AGPS: variants seen among roughly 807,000 people sequenced by gnomAD.
AGPS encodes the protein alkyldihydroxyacetonephosphate synthase, peroxisomal.
AGPS carries 26 observed loss-of-function variants against 90.7 expected under a neutral mutation model. The observed-to-expected ratio is 0.29, with a 90% CI of 0.21 to 0.40. The LOEUF is 0.40. Ranked by LOEUF, AGPS falls within the 10% of genes least tolerant of loss-of-function variation. The probability of loss-of-function intolerance (pLI) is 1.00; values close to 1 mark genes in which losing one functional copy is unlikely to be tolerated. For missense variants in AGPS, 540 were observed against 816.1 expected (o/e 0.66, Z 4.12); for synonymous variants, 294 against 285.3 (o/e 1.03, Z -0.31).
At chr2:177,394,177 G>A (rs1304010515) in intron 1 of AGPS, among the ~76,000 whole-genome samples, 1 of 152,118 alleles carries the variant, frequency 6.6e-6, no homozygotes, top group Non-Finnish European at 1.5e-5. Flanking sequence ...CACTGTACCA[G>A]CAATACAGAA....
At chr2:177,463,401 C>T (rs1168354106) in intron 9 of AGPS, among the ~76,000 whole-genome samples, 1 of 152,188 alleles carries the variant, frequency 6.6e-6, no homozygotes, top group East Asian at 1.9e-4. Context: ...ATGTTGTTTC[C>T]TTATCGTCAA....
At chr2:177,473,108 G>A (rs932263971) in intron 10 of AGPS, among the ~76,000 whole-genome samples, 1 of 152,110 alleles carries the variant, frequency 6.6e-6, no homozygotes, top group African/African-American at 2.4e-5. Context: ...TATAGCAGCT[G>A]GAAGGCTACA....
chr2:177,464,051 C>G (rs1264998993), intron 9 of AGPS, among the ~76,000 whole-genome samples: 2 of 152,200 alleles, frequency 1.3e-5, no homozygotes, highest in Non-Finnish European at 2.9e-5. Context: ...AAGCGATTCT[C>G]CTGCCTCAGC....
intron 12 of AGPS, among the ~76,000 whole-genome samples, chr2:177,495,932 A>C (rs1348570425): frequency 6.6e-5 from 10 of 151,584 alleles, no homozygotes; most frequent in South Asian, 6.3e-4. Context: ...AAAAAAAAAA[A>C]AAAAAACAAA....
rs1372637964 is a variant in AGPS at position 177,445,772 on chromosome 2, G to A, written c.870+146G>A. 6.4e-6 allele frequency: 4 copies of A among 623,338 alleles called. No individual in the cohort carries two copies. In the Admixed American group the frequency reaches 1.2e-4, roughly 19 times the overall value. The allele number at this position is 623,338 out of a possible 1,614,324, so 38.6% of individuals were successfully genotyped here. A position where few individuals can be genotyped will look rare whatever the true frequency, so the allele number is the denominator to read the frequency against. ...ATACATTCATTCACTCAAAGAATTTGTTTAGTTTCTATTATGGGTCAAGCA... is the reference window on the plus strand; with the variant it reads ...ATACATTCATTCACTCAAAGAATTTATTTAGTTTCTATTATGGGTCAAGCA... On this transcript the variant is annotated intron_variant, in intron 8 of 19. Transcript: ENST00000264167.
chr2:177,460,092 A>C (rs1687246658), intron 8 of AGPS, among the ~76,000 whole-genome samples: 1 of 152,178 alleles, frequency 6.6e-6, no homozygotes, highest in South Asian at 2.1e-4. Flanking sequence ...ACATGTTCTC[A>C]CTCATAAGTG....
intron 19 of AGPS, among the ~76,000 whole-genome samples, chr2:177,537,422 T>A (rs560172964): frequency 4.6e-5 from 7 of 152,206 alleles, no homozygotes; most frequent in African/African-American, 1.2e-4. Flanking sequence ...GGATTAGGTA[T>A]TTGATTTATT....
chr2:177,393,554 A>C lies in AGPS; in HGVS notation c.260+505A>C, dbSNP rs185657404. 3 of 985,376 alleles carry C rather than the reference A, an allele frequency of 3.0e-6. No individual in the cohort carries two copies. In the African/African-American group the frequency reaches 5.2e-5, roughly 17 times the overall value. 61.0% of individuals were successfully genotyped at this position (985,376 alleles called of 1,614,324 possible). The stretch of plus-strand genomic sequence containing the variant: ...TCTGTGGGGTAAGTTCCACTTGCTT[A>C]GGATCAAGATGTATTGACTTTGAGG... On this transcript the variant is annotated intron_variant, in intron 1 of 19. Coordinates refer to ENST00000264167, the MANE Select transcript of AGPS (RefSeq NM_003659.4).
At chr2:177,423,737 G>C (rs1015268199) in intron 2 of AGPS, among the ~76,000 whole-genome samples, 1 of 152,142 alleles carries the variant, frequency 6.6e-6, no homozygotes, top group African/African-American at 2.4e-5. Context: ...AGCTATTATA[G>C]AATAACAGCT....
Position 177,461,983 on chromosome 2 carries a change from A to G in AGPS, c.961A>G (p.Met321Val), listed in dbSNP as rs1559056898. 7 of 1,612,348 alleles carry G rather than the reference A, an allele frequency of 4.3e-6. No homozygotes were observed. Among genetic ancestry groups the G allele is most frequent in the Non-Finnish European group, 5.9e-6 (7 of 1,178,882 alleles). The part of the protein sequence containing the change: ...GGWVSTRASG[M>V]KKNIYGNIED... ...ATGGGTATCTACTCGCGCATCAGGCATGAAGAAGAATATCTATGGCAATAT... is the reference window on the plus strand; with the variant it reads ...ATGGGTATCTACTCGCGCATCAGGCGTGAAGAAGAATATCTATGGCAATAT... Residue 321 changes from methionine (M) to valine (V), a missense_variant, in exon 9 of 20, where the codon ATG becomes GTG. Physicochemically the swap from Met to Val is conservative, Grantham distance 21 (BLOSUM62 1). Around this residue, in one of 2 missense-constraint regions of AGPS, gnomAD observed 405 missense variants for 692.1 expected, o/e 0.59. Coordinates refer to ENST00000264167, the MANE Select transcript of AGPS (RefSeq NM_003659.4).
At chr2:177,463,537 T>C (rs980847400) in intron 9 of AGPS, among the ~76,000 whole-genome samples, 1 of 152,192 alleles carries the variant, frequency 6.6e-6, no homozygotes, top group African/African-American at 2.4e-5. Flanking sequence ...TCAATATCTT[T>C]GTTATTAGGA....
At chr2:177,417,340 A>G (rs938319323) in intron 1 of AGPS, among the ~76,000 whole-genome samples, 3 of 152,170 alleles carry the variant, frequency 2.0e-5, no homozygotes, top group African/African-American at 7.2e-5. Context: ...ACATAAATAA[A>G]TTTTATGTTT....
chr2:177,487,190 GTTTT>G (rs966529485), intron 11 of AGPS, among the ~76,000 whole-genome samples: 2 of 151,776 alleles, frequency 1.3e-5, no homozygotes, highest in Non-Finnish European at 2.9e-5. Flanking sequence ...TGAAGCTTGG[GTTTT>G]TTTTGTTTGT....
chr2:177,407,945 T>C (rs2105594062), intron 1 of AGPS, among the ~76,000 whole-genome samples: 1 of 152,188 alleles, frequency 6.6e-6, no homozygotes, highest in Non-Finnish European at 1.5e-5. Context: ...TGTGCCACCA[T>C]GCCTGGTTAT....
rs564515376 is a variant in AGPS at position 177,452,892 on chromosome 2, A to G, written c.870+7266A>G. Among the ~76,000 whole-genome samples, 85 of 152,058 alleles carry G rather than the reference A, an allele frequency of 5.6e-4. 1 individual carries two copies. Among genetic ancestry groups the G allele is most frequent in the African/African-American group, 1.9e-3 (80 of 41,494 alleles). On this transcript the variant is annotated intron_variant, in intron 8 of 19. Transcript: ENST00000264167. Reference sequence around the variant, plus strand: ...CTTGTGTCAGCTACCTTTGAGTGATATTGTAATACTTTGCAGTATCATTTA... The same window carrying G: ...CTTGTGTCAGCTACCTTTGAGTGATGTTGTAATACTTTGCAGTATCATTTA...
chr2:177,437,329 A>G lies in AGPS; in HGVS notation c.637+275A>G, dbSNP rs3770002. Among the ~76,000 whole-genome samples, 16,966 of 152,128 alleles carry G rather than the reference A, an allele frequency of 0.11. 1,209 individuals are homozygous for G. Among genetic ancestry groups the G allele is most frequent in the East Asian group, 0.35 (1,781 of 5,162 alleles). On this transcript the variant is annotated intron_variant, in intron 5 of 19. Coordinates refer to ENST00000264167, the MANE Select transcript of AGPS (RefSeq NM_003659.4). ...CAGTGGAAAAACATATTTTTGGATA[A>G]TTTGGAAGCTTCATGAAATTAGTGT... is the stretch of plus-strand genomic sequence containing the variant.
chr2:177,418,054 A>G (rs945921255), intron 1 of AGPS, among the ~76,000 whole-genome samples: 3 of 152,152 alleles, frequency 2.0e-5, no homozygotes, highest in Non-Finnish European at 2.9e-5. Context: ...TTTTGGGTAT[A>G]AATGCATTCC....
chr2:177,472,095 G>T (rs1379292180), intron 10 of AGPS, among the ~76,000 whole-genome samples: 1 of 151,330 alleles, frequency 6.6e-6, no homozygotes, highest in Admixed American at 6.6e-5. Flanking sequence ...TTTTTTTTTG[G>T]ATAGTAGTGT....
At position 177,442,316 on chromosome 2, in the gene AGPS, ATC is replaced by A; in HGVS notation, c.710-89_710-88del. On this transcript the variant is annotated intron_variant, in intron 6 of 19. Transcript: ENST00000264167. ...TAGGTATCACTTTTCTAGTGGCCCT[ATC>A]TGTATACTTGATATGAGGGATTTGC... 5.1e-6 allele frequency: 5 copies of A among 983,698 alleles called. No individual in the cohort carries two copies. The South Asian group carries it at 6.4e-5, about 13-fold the overall frequency. 60.9% of individuals were successfully genotyped at this position (983,698 alleles called of 1,614,324 possible).
Sources: allele counts gnomAD v4.1 joint callset (sites outside exome capture counted in the v4.1 genomes callset), GRCh38; gene constraint gnomAD v4.1.1; regional missense constraint gnomAD v4.1.1; transcripts MANE v1.5; gene names NCBI Gene and HGNC (gene_info 2026-07-23, HGNC 2026-07-21).